CTXN3: variants seen among roughly 807,000 people sequenced by gnomAD.
CTXN3 encodes the protein cortexin 3.
Under a neutral mutation model 5.0 loss-of-function variants are expected in CTXN3, and 4 were observed. The observed-to-expected ratio is 0.79, with a 90% CI of 0.39 to 1.82. The LOEUF is 1.82. CTXN3 is among the 40% of genes most tolerant of loss of function. The pLI, the probability that CTXN3 is intolerant of heterozygous loss-of-function variation, is 0.04. For synonymous variants in CTXN3, 48 were observed against 38.6 expected (o/e 1.24, Z -0.91); for missense variants, 89 against 99.7 (o/e 0.89, Z 0.46).
At position 127,657,569 on chromosome 5, in the gene CTXN3, C is replaced by T. The variant is rs375454212; in HGVS notation, c.48C>T (p.Asn16=). 3.5e-5 allele frequency: 57 copies of T among 1,614,048 alleles called. No individual in the cohort carries two copies. The highest frequency in any genetic ancestry group is 5.5e-5 in the South Asian group (5 of 91,076). ...PIPSSLVPLG[N]ESADSSMSLE... ...CCTCATCCCTAGTGCCCCTTGGGAACGAATCAGCAGATTCTAGCATGTCCC... is the reference window on the plus strand; with the variant it reads ...CCTCATCCCTAGTGCCCCTTGGGAATGAATCAGCAGATTCTAGCATGTCCC... Residue 16 remains asparagine, a synonymous_variant, in exon 3 of 3, where the codon AAC becomes AAT. Transcript: ENST00000379445.
At chr5:127,654,422 AT>A (rs1486763253) in intron 2 of CTXN3, among the ~76,000 whole-genome samples, 2 of 152,214 alleles carry the variant, frequency 1.3e-5, no homozygotes, top group East Asian at 3.8e-4. Flanking sequence ...AAAACTTCAA[AT>A]TAAAACTGAT....
At chr5:127,656,523 T>C (rs1285058854) in intron 2 of CTXN3, among the ~76,000 whole-genome samples, 1 of 152,174 alleles carries the variant, frequency 6.6e-6, no homozygotes, top group East Asian at 1.9e-4. Context: ...CTTGGCTTAA[T>C]TCTCTAGGTG....
intron 1 of CTXN3, among the ~76,000 whole-genome samples, chr5:127,649,982 C>T (rs1465437517): frequency 6.6e-6 from 1 of 151,986 alleles, no homozygotes; most frequent in African/African-American, 2.4e-5. Flanking sequence ...CTTCTGATAC[C>T]ACCGATTCCT....
chr5:127,651,482 G>A (rs1029330485), intron 1 of CTXN3, among the ~76,000 whole-genome samples: 6 of 152,126 alleles, frequency 3.9e-5, no homozygotes, highest in Non-Finnish European at 5.9e-5. Context: ...TGGGGTGGTA[G>A]GGGGTGGTGC....
chr5:127,654,774 G>T (rs1359078679), intron 2 of CTXN3, among the ~76,000 whole-genome samples: 3 of 150,696 alleles, frequency 2.0e-5, no homozygotes, highest in African/African-American at 7.3e-5. Context: ...GGGAGGGACT[G>T]AGCAAGGTAT....
rs139789028 is a variant in CTXN3 at position 127,657,554 on chromosome 5, A to T, written c.33A>T (p.Leu11=). MDGGQPIPSS[L]VPLGNESADS... ...GAGGACAGCCCATCCCCTCATCCCTAGTGCCCCTTGGGAACGAATCAGCAG... is the reference window on the plus strand; with the variant it reads ...GAGGACAGCCCATCCCCTCATCCCTTGTGCCCCTTGGGAACGAATCAGCAG... Residue 11 remains leucine (L), a synonymous_variant, in exon 3 of 3, where the codon CTA becomes CTT. Coordinates refer to ENST00000379445, the MANE Select transcript of CTXN3 (RefSeq NM_001048252.3). The T allele has an allele frequency of 9.5e-5, 153 of 1,614,034 alleles. No individual in the cohort carries two copies. The African/African-American group carries it at 1.1e-3, about 12-fold the overall frequency.
chr5:127,657,509 G>C lies in CTXN3; in HGVS notation c.-13G>C. 6.2e-7 allele frequency: 1 copy of C among 1,613,424 alleles called. No homozygotes were observed. On this transcript the variant is annotated 5_prime_UTR_variant, in exon 3 of 3. Coordinates refer to ENST00000379445, the MANE Select transcript of CTXN3 (RefSeq NM_001048252.3). The stretch of plus-strand genomic sequence containing the variant: ...GAAAACCAGGATATCCTGTGCTCTG[G>C]CTTCCCTGGACCATGGATGGAGGAC...
At chr5:127,657,122 A>G (rs1460767137) in intron 2 of CTXN3, among the ~76,000 whole-genome samples, 1 of 152,210 alleles carries the variant, frequency 6.6e-6, no homozygotes, top group African/African-American at 2.4e-5. Context: ...GGCTGGGTTC[A>G]GATGTCAAGT....
chr5:127,652,269 C>CA (rs1749800833), intron 1 of CTXN3: 1 of 152,176 alleles, frequency 6.6e-6, no homozygotes, highest in Non-Finnish European at 1.5e-5. Context: ...TGTGATGGTC[C>CA]AGCACCTCAG....
Position 127,657,597 on chromosome 5 carries a change from G to T in CTXN3, c.76G>T (p.Glu26Ter). The T allele has an allele frequency of 6.2e-7, 1 of 1,614,194 alleles. No homozygotes were observed. Residue 26 changes from glutamate to a stop codon, truncating the protein, a stop_gained, in exon 3 of 3, where the codon GAG becomes TAG. Transcript: ENST00000379445. LOFTEE classifies it high-confidence loss of function. ...ATCAGCAGATTCTAGCATGTCCCTG[G>T]AGCAGAAAATGACATTTGTTTTTGT... The part of the protein sequence containing the change: ...NESADSSMSL[E>*]QKMTFVFVIL...
chr5:127,653,340 T>C lies in CTXN3; in HGVS notation c.-183T>C, dbSNP rs1406350904. ...AGTATTAAAATTAGACTCTATTTCC[T>C]GAGCACCCACAAATGGACCTGACAA... On this transcript the variant is annotated 5_prime_UTR_variant, in exon 2 of 3. It removes the in-frame stop codon of an upstream open reading frame in the 5' UTR. Coordinates refer to ENST00000379445, the MANE Select transcript of CTXN3 (RefSeq NM_001048252.3). 6.6e-6 allele frequency: 1 copy of C among 152,228 alleles called. No homozygotes were observed. The highest frequency in any genetic ancestry group is 1.5e-5 in the Non-Finnish European group (1 of 68,044). The allele number at this position is 152,228 out of a possible 1,614,324, so 9.4% of individuals were successfully genotyped here. A position where few individuals can be genotyped will look rare whatever the true frequency, so the allele number is the denominator to read the frequency against.
intron 2 of CTXN3, among the ~76,000 whole-genome samples, chr5:127,656,749 GT>G (rs1274318555): frequency 6.6e-6 from 1 of 152,138 alleles, no homozygotes; most frequent in Admixed American, 6.5e-5. Flanking sequence ...TTTTCAAAGG[GT>G]TTTCACAGCT....
chr5:127,657,478 A>T lies in CTXN3; in HGVS notation c.-44A>T, dbSNP rs770511223. ...ATGACCTCCGCAGATTGATGATGGA[A>T]GAAAAGAAAACCAGGATATCCTGTG... On this transcript the variant is annotated 5_prime_UTR_variant, in exon 3 of 3. The change creates a new upstream start codon in the 5' untranslated region. Coordinates refer to ENST00000379445, the MANE Select transcript of CTXN3 (RefSeq NM_001048252.3). 2.5e-6 allele frequency: 4 copies of T among 1,606,502 alleles called. No homozygotes were observed. In the African/African-American group the frequency reaches 4.0e-5, roughly 16 times the overall value.
intron 1 of CTXN3, among the ~76,000 whole-genome samples, chr5:127,651,457 A>G (rs1388076940): frequency 3.3e-5 from 5 of 152,142 alleles, no homozygotes; most frequent in East Asian, 1.9e-4. Flanking sequence ...CTAGGGATCT[A>G]CCATCATTTG....
chr5:127,650,187 A>G (rs955600573), intron 1 of CTXN3, among the ~76,000 whole-genome samples: 2 of 152,130 alleles, frequency 1.3e-5, no homozygotes, highest in Admixed American at 6.5e-5. Context: ...TGAGTTGAGA[A>G]TAACAGGGTC....
At chr5:127,655,756 T>A (rs1308253408) in intron 2 of CTXN3, among the ~76,000 whole-genome samples, 2 of 152,192 alleles carry the variant, frequency 1.3e-5, no homozygotes, top group African/African-American at 4.8e-5. Flanking sequence ...CTTATTTTTT[T>A]AAAATGCGGT....
intron 2 of CTXN3, 38 bp downstream of exon 2, chr5:127,653,461 T>C (rs1010260664): frequency 8.5e-5 from 13 of 152,192 alleles, no homozygotes; most frequent in Non-Finnish European, 1.8e-4. Flanking sequence ...TTAAAATAGC[T>C]GCCATGTGTT....
chr5:127,657,589 T>G lies in CTXN3; in HGVS notation c.68T>G (p.Met23Arg), dbSNP rs772621107. 46 of 1,614,210 alleles carry G rather than the reference T, an allele frequency of 2.8e-5. No individual in the cohort carries two copies. The East Asian group carries it at 9.8e-4, about 34-fold the overall frequency. The change falls in exon 3 of 3, where the codon ATG becomes AGG. Residue 23 changes from methionine (M) to arginine (R), a missense_variant. Transcript: ENST00000379445. ...GGGAACGAATCAGCAGATTCTAGCA[T>G]GTCCCTGGAGCAGAAAATGACATTT... ...PLGNESADSS[M>R]SLEQKMTFVF...
Position 127,656,672 on chromosome 5 carries a change from A to G in CTXN3, c.-99-751A>G, listed in dbSNP as rs148927484. Among the ~76,000 whole-genome samples the G allele has an allele frequency of 7.9e-5, 12 of 152,354 alleles. No homozygotes were observed. In the East Asian group the frequency reaches 1.7e-3, roughly 22 times the overall value. ...CAGTAGAAAGGAAAGGAGAAGCAGCATAGCTCCCTTAGTTGTGTCTTAGGT... is the reference window on the plus strand; with the variant it reads ...CAGTAGAAAGGAAAGGAGAAGCAGCGTAGCTCCCTTAGTTGTGTCTTAGGT... On this transcript the variant is annotated intron_variant, in intron 2 of 2. Coordinates refer to ENST00000379445, the MANE Select transcript of CTXN3 (RefSeq NM_001048252.3).
Sources: allele counts gnomAD v4.1 joint callset (sites outside exome capture counted in the v4.1 genomes callset), GRCh38; gene constraint gnomAD v4.1.1; transcripts MANE v1.5; gene names NCBI Gene and HGNC (gene_info 2026-07-23, HGNC 2026-07-21).